Variants in NAV2 observed in about 807,000 individuals in gnomAD.
The protein encoded by NAV2 is helicase, APC down-regulated 1.
Under a neutral mutation model 223.2 loss-of-function variants are expected in NAV2, and 54 were observed. The ratio of observed to expected loss-of-function variants is 0.24; its 90% CI spans 0.19 to 0.30. The LOEUF (loss-of-function observed/expected upper bound fraction) is 0.30. NAV2 is among the 10% of genes least tolerant of loss of function. The probability of loss-of-function intolerance (pLI) is 1.00; values close to 1 mark genes in which losing one functional copy is unlikely to be tolerated. For missense variants in NAV2, 2,806 were observed against 3,147.5 expected (o/e 0.89, Z 2.60); for synonymous variants, 1,279 against 1,239.3 (o/e 1.03, Z -0.67).
chr11:19,811,267 C>G (rs2058823060), intron 1 of NAV2, among the ~76,000 whole-genome samples: 1 of 152,084 alleles, frequency 6.6e-6, no homozygotes, highest in Non-Finnish European at 1.5e-5. Context: ...CATGGGCTCT[C>G]CTACTGGACT....
At chr11:19,732,785 T>C (rs917000751) in intron 1 of NAV2, among the ~76,000 whole-genome samples, 1 of 152,202 alleles carries the variant, frequency 6.6e-6, no homozygotes, top group Non-Finnish European at 1.5e-5. Flanking sequence ...TGCCTGTGTG[T>C]GCCAGGCCTA....
exon 1 of NAV2, chr11:19,350,920 G>C (rs1042074025): frequency 7.1e-6 from 11 of 1,548,760 alleles, no homozygotes; most frequent in Admixed American, 3.9e-5. Context: ...TGGAAGCATC[G>C]CTGAAGGAGA....
intron 1 of NAV2, chr11:19,384,863 G>A (rs553151733): frequency 6.6e-6 from 1 of 152,182 alleles, no homozygotes; most frequent in African/African-American, 2.4e-5. Context: ...GCATGAGTTT[G>A]TCTCCAACTT....
chr11:19,615,587 G>A (rs1257145029), intron 1 of NAV2, among the ~76,000 whole-genome samples: 1 of 152,050 alleles, frequency 6.6e-6, no homozygotes, highest in Non-Finnish European at 1.5e-5. Flanking sequence ...TAGGCGCTCA[G>A]TGCTAGACAT....
intron 1 of NAV2, among the ~76,000 whole-genome samples, chr11:19,495,314 G>C (rs1434906544): frequency 6.6e-6 from 1 of 152,172 alleles, no homozygotes; most frequent in Admixed American, 6.5e-5. Context: ...CCCTGCCCCT[G>C]CCATCCAGAT....
At chr11:19,399,880 G>C (rs1849613291) in intron 1 of NAV2, among the ~76,000 whole-genome samples, 1 of 152,208 alleles carries the variant, frequency 6.6e-6, no homozygotes, top group Admixed American at 6.5e-5. Context: ...TAGGAGTACG[G>C]AAGAGAAGCC....
At chr11:19,542,433 T>C (rs1029467550) in intron 1 of NAV2, among the ~76,000 whole-genome samples, 5 of 152,288 alleles carry the variant, frequency 3.3e-5, no homozygotes, top group African/African-American at 1.2e-4. Flanking sequence ...ATGGAGTCAG[T>C]GAATTGAGGA....
intron 1 of NAV2, among the ~76,000 whole-genome samples, chr11:19,698,596 G>A (rs1176642167): frequency 2.0e-5 from 3 of 152,218 alleles, no homozygotes; most frequent in Non-Finnish European, 2.9e-5. Context: ...CTTGGCCACG[G>A]CCACCCATAG....
intron 1 of NAV2, among the ~76,000 whole-genome samples, chr11:19,634,714 C>A (rs1464656908): frequency 1.3e-5 from 2 of 152,132 alleles, no homozygotes; most frequent in Non-Finnish European, 2.9e-5. Flanking sequence ...AGGGAAGAGG[C>A]AATTAAACAT....
Position 20,103,711 on chromosome 11 carries a change from C to T in NAV2, c.6631C>T (p.His2211Tyr). 6.2e-7 allele frequency: 1 copy of T among 1,614,108 alleles called. No homozygotes were observed. Among genetic ancestry groups the T allele is most frequent in the South Asian group, 1.1e-5 (1 of 91,082 alleles). ...CTCTTCGACTCCCAACCTGCAGCTT[C>T]ACCATAACTTCAGGTCAGTTTTCCC... ...ATSSTPNLQLHHNFRWVLCAN... is the reference protein window; with the variant it reads ...ATSSTPNLQLYHNFRWVLCAN... The change falls in exon 34 of 38, where the codon CAC becomes TAC. Residue 2211 changes from histidine to tyrosine, a missense_variant. Around this residue, in one of 4 missense-constraint regions of NAV2, gnomAD observed 824 missense variants for 1,069.4 expected, o/e 0.77. Coordinates refer to ENST00000349880, the MANE Select transcript of NAV2 (RefSeq NM_145117.5).
At chr11:20,099,417 A>G (rs1765220506) in intron 31 of NAV2, among the ~76,000 whole-genome samples, 1 of 152,212 alleles carries the variant, frequency 6.6e-6, no homozygotes, top group African/African-American at 2.4e-5. Context: ...AGTAAAAGGA[A>G]TGGCCTATTG....
At chr11:19,550,573 C>A (rs1260128667) in intron 1 of NAV2, among the ~76,000 whole-genome samples, 1 of 152,200 alleles carries the variant, frequency 6.6e-6, no homozygotes, top group Non-Finnish European at 1.5e-5. Flanking sequence ...GCATTGCAAG[C>A]AGCATTGTAC....
chr11:19,600,847 G>A (rs989406174), intron 1 of NAV2, among the ~76,000 whole-genome samples: 5 of 152,190 alleles, frequency 3.3e-5, no homozygotes, highest in African/African-American at 1.2e-4. Flanking sequence ...CTTAGCTGAA[G>A]GTTTTATAGC....
chr11:19,465,672 C>G (rs1046264814), intron 1 of NAV2, among the ~76,000 whole-genome samples: 4 of 152,204 alleles, frequency 2.6e-5, no homozygotes, highest in African/African-American at 9.6e-5. Context: ...TAGCATAAGG[C>G]ATAGTCATTT....
At chr11:19,540,245 G>A (rs1478371184) in intron 1 of NAV2, among the ~76,000 whole-genome samples, 1 of 152,064 alleles carries the variant, frequency 6.6e-6, no homozygotes, top group Non-Finnish European at 1.5e-5. Flanking sequence ...ACCAAGACTG[G>A]TTGCCGTCAA....
chr11:19,447,590 G>A (rs1851632238), intron 1 of NAV2, among the ~76,000 whole-genome samples: 1 of 152,218 alleles, frequency 6.6e-6, no homozygotes, highest in African/African-American at 2.4e-5. Context: ...CATTCAGTGA[G>A]CTGCTATTGT....
At chr11:19,696,282 A>G (rs1434890941) in intron 1 of NAV2, among the ~76,000 whole-genome samples, 1 of 152,272 alleles carries the variant, frequency 6.6e-6, no homozygotes, top group Non-Finnish European at 1.5e-5. Flanking sequence ...ATCTGGAATT[A>G]GGTGTGAGGA....
At position 20,087,059 on chromosome 11, in the gene NAV2, T is replaced by C. The variant is rs187028012; in HGVS notation, c.5499-3806T>C. 7.9e-5 allele frequency among the ~76,000 whole-genome samples: 12 copies of C among 152,232 alleles called. No individual in the cohort carries two copies. In the East Asian group the frequency reaches 1.4e-3, roughly 17 times the overall value. On this transcript the variant is annotated intron_variant, in intron 26 of 37. Coordinates refer to ENST00000349880, the MANE Select transcript of NAV2 (RefSeq NM_145117.5). Reference sequence around the variant, plus strand: ...GCAAGAGGGCAAGAGGACTGAGCTCTGGTGCACTCTGATATTTGAAGTTCA... The same window carrying C: ...GCAAGAGGGCAAGAGGACTGAGCTCCGGTGCACTCTGATATTTGAAGTTCA...
chr11:20,080,255 T>C lies in NAV2; in HGVS notation c.5325+46T>C, dbSNP rs745989628. 11 of 1,572,388 alleles carry C rather than the reference T, an allele frequency of 7.0e-6. No homozygotes were observed. In the Admixed American group the frequency reaches 1.9e-4, roughly 27 times the overall value. On this transcript the variant is annotated intron_variant, in intron 25 of 37. Transcript: ENST00000349880. ...CTGGGGACTGACGGACAGAGTCAGTTGCAGAACTGGCTGCTGCATCTCCCC... is the reference window on the plus strand; with the variant it reads ...CTGGGGACTGACGGACAGAGTCAGTCGCAGAACTGGCTGCTGCATCTCCCC...
Sources: allele counts gnomAD v4.1 joint callset (sites outside exome capture counted in the v4.1 genomes callset), GRCh38; gene constraint gnomAD v4.1.1; regional missense constraint gnomAD v4.1.1; transcripts MANE v1.5; gene names NCBI Gene and HGNC (gene_info 2026-07-23, HGNC 2026-07-21).